The following SNX8 variants were observed in gnomAD, a reference collection of about 807,000 sequenced individuals.
SNX8 encodes sorting nexin-8.
SNX8 carries 25 observed loss-of-function variants against 51.6 expected under a neutral mutation model. That is an observed-to-expected ratio of 0.48 (90% CI 0.35 to 0.68). SNX8 has a LOEUF of 0.68. SNX8 is among the 30% of genes least tolerant of loss of function. The pLI, the probability that SNX8 is intolerant of heterozygous loss-of-function variation, is 0.00. For missense variants in SNX8, 695 were observed against 624.0 expected, an observed-to-expected ratio of 1.11 and a Z score of -1.21; for synonymous variants, 324 against 277.0, an observed-to-expected ratio of 1.17 and a Z score of -1.68.
chr7:2,257,916 G>A, intron 7 of SNX8, 113 bp from the exon 8 acceptor site: 1 of 997,894 alleles, frequency 1.0e-6, no homozygotes, highest in Non-Finnish European at 1.5e-6. Flanking sequence ...GAGTCAGACG[G>A]GCTCCCCAGG....
intron 5 of SNX8, among the ~76,000 whole-genome samples, chr7:2,268,455 G>C (rs1365987438): frequency 1.4e-5 from 2 of 145,696 alleles, no homozygotes; most frequent in African/African-American, 2.5e-5. Flanking sequence ...GAGGTGGGGG[G>C]GGTCAGCCCC....
intron 1 of SNX8, among the ~76,000 whole-genome samples, chr7:2,312,422 T>C (rs1329537700): frequency 6.6e-6 from 1 of 152,044 alleles, no homozygotes; most frequent in Non-Finnish European, 1.5e-5. Flanking sequence ...AAGTGACCCC[T>C]CGGAAAGGGT....
intron 7 of SNX8, among the ~76,000 whole-genome samples, chr7:2,259,937 T>C (rs1398716139): frequency 1.3e-5 from 2 of 151,760 alleles, no homozygotes; most frequent in African/African-American, 4.8e-5. Context: ...AAGAATTGTC[T>C]TGAGCCACAC....
intron 1 of SNX8, among the ~76,000 whole-genome samples, chr7:2,289,141 G>A (rs768762109): frequency 6.6e-6 from 1 of 152,182 alleles, no homozygotes; most frequent in Non-Finnish European, 1.5e-5. Context: ...GCTGTGGGGC[G>A]ATGGCTGCCC....
At chr7:2,309,772 A>G in intron 1 of SNX8, 1 of 469,540 alleles carries the variant, frequency 2.1e-6, no homozygotes, top group South Asian at 1.6e-5. Context: ...AGCGCAATGA[A>G]TTCTGACCAA....
At chr7:2,273,535 G>A (rs1323156441) in intron 3 of SNX8, among the ~76,000 whole-genome samples, 2 of 150,042 alleles carry the variant, frequency 1.3e-5, no homozygotes, top group African/African-American at 2.5e-5. Context: ...GCAGTGAGCC[G>A]AGACCGCACC....
intron 1 of SNX8, among the ~76,000 whole-genome samples, chr7:2,282,948 C>T (rs372972445): frequency 3.9e-5 from 6 of 151,908 alleles, no homozygotes; most frequent in East Asian, 1.9e-4. Flanking sequence ...GGTGAAACCC[C>T]GTCTCTACTA....
intron 1 of SNX8, among the ~76,000 whole-genome samples, chr7:2,282,859 C>G (rs140682095): frequency 0.01 from 1,560 of 152,214 alleles, 27 homozygotes; most frequent in African/African-American, 0.036. Flanking sequence ...TGGTGGCTCA[C>G]GCCTGTAATC....
At chr7:2,318,636 A>C (rs1265931877), upstream of SNX8, among the ~76,000 whole-genome samples, 1 of 151,924 alleles carries the variant, frequency 6.6e-6, no homozygotes, top group Non-Finnish European at 1.5e-5. Context: ...CAGATGTTGC[A>C]GTGACCTGAG....
rs1736860802 is a variant in SNX8, at chr7:2,254,827, C to G, written c.*229G>C. 1.7e-6 allele frequency: 1 copy of G among 577,968 alleles called. No homozygotes were observed. The highest frequency in any genetic ancestry group is 2.0e-5 in the South Asian group (1 of 49,498). The allele number at this position is 577,968 out of a possible 1,614,324, so 35.8% of individuals were successfully genotyped here. ...GAAACCATTCCAGAGAACCCCACCACCTCTCTCGACCAGGCTAGCAGGCCA... is the reference window on the plus strand; with the variant it reads ...GAAACCATTCCAGAGAACCCCACCAGCTCTCTCGACCAGGCTAGCAGGCCA... On this transcript the variant is annotated 3_prime_UTR_variant, in exon 11 of 11. Coordinates refer to ENST00000222990, the MANE Select transcript of SNX8 (RefSeq NM_013321.4).
chr7:2,295,404 A>G (rs1392900950), intron 1 of SNX8, among the ~76,000 whole-genome samples: 1 of 143,932 alleles, frequency 6.9e-6, no homozygotes, highest in Non-Finnish European at 1.5e-5. Context: ...CTCCATCTCA[A>G]AAAAAAAAAA....
At chr7:2,302,586 T>G in intron 1 of SNX8, among the ~76,000 whole-genome samples, 1 of 146,694 alleles carries the variant, frequency 6.8e-6, no homozygotes, top group African/African-American at 2.6e-5. Flanking sequence ...TGAGGAGCCC[T>G]TCTGCCTGGC....
At chr7:2,326,063 G>C (rs932617825) in intron 1 of SNX8, among the ~76,000 whole-genome samples, 4 of 152,076 alleles carry the variant, frequency 2.6e-5, no homozygotes, top group Non-Finnish European at 5.9e-5. Flanking sequence ...GCTGCTTATA[G>C]TAAATGTAAG....
chr7:2,350,149 C>T (rs1358605036), intron 1 of SNX8, among the ~76,000 whole-genome samples: 5 of 152,158 alleles, frequency 3.3e-5, no homozygotes, highest in African/African-American at 9.7e-5. Context: ...AAATACTTCT[C>T]ATTCTGTTAA....
At chr7:2,262,250 G>C (rs1297611351) in intron 7 of SNX8, among the ~76,000 whole-genome samples, 2 of 152,106 alleles carry the variant, frequency 1.3e-5, no homozygotes, top group South Asian at 2.1e-4. Context: ...CTGTTGCCCA[G>C]GGTGGTCCTG....
intron 1 of SNX8, among the ~76,000 whole-genome samples, chr7:2,303,120 C>T (rs1436168532): frequency 6.8e-6 from 1 of 147,388 alleles, no homozygotes. Context: ...GGGTCAGCCC[C>T]CCGCCCGGCC....
At position 2,294,515 on chromosome 7, in the gene SNX8, T is replaced by C. The variant is rs186026154; in HGVS notation, c.95-16210A>G. ...TGATCTCATTTTACAGATGCAGAAA[T>C]TGGAGGCCCAGCGGGTGATGACCTG... On this transcript the variant is annotated intron_variant, in intron 1 of 10. Coordinates refer to ENST00000222990, the MANE Select transcript of SNX8 (RefSeq NM_013321.4). 3.4e-3 allele frequency among the ~76,000 whole-genome samples: 515 copies of C among 152,228 alleles called. 5 individuals carry two copies. The highest frequency in any genetic ancestry group is 0.012 in the African/African-American group (503 of 41,522).
chr7:2,316,828 C>T (rs1285726157), upstream of SNX8, among the ~76,000 whole-genome samples: 4 of 152,252 alleles, frequency 2.6e-5, no homozygotes, highest in Admixed American at 6.5e-5. Context: ...CATCTATCCA[C>T]CCACCCACTG....
intron 1 of SNX8, among the ~76,000 whole-genome samples, chr7:2,311,638 A>G (rs1348019639): frequency 6.6e-6 from 1 of 152,038 alleles, no homozygotes; most frequent in Non-Finnish European, 1.5e-5. Flanking sequence ...AGTTTTCTCA[A>G]TGTAAAAAGA....
Sources: allele counts gnomAD v4.1 joint callset (sites outside exome capture counted in the v4.1 genomes callset), GRCh38; gene constraint gnomAD v4.1.1; transcripts MANE v1.5; gene names NCBI Gene and HGNC (gene_info 2026-07-23, HGNC 2026-07-21).